Variants in ARHGEF17 observed in about 807,000 individuals in gnomAD.
ARHGEF17 encodes the protein 164 kDa Rho-specific guanine-nucleotide exchange factor.
In ARHGEF17, 80 loss-of-function variants were observed where a neutral mutation model predicts 174.0. That is an observed-to-expected ratio of 0.46 (90% CI 0.38 to 0.55). ARHGEF17 has a LOEUF of 0.55. Among genes scored for constraint, ARHGEF17 ranks in the 20% least tolerant of loss-of-function variants. The probability of loss-of-function intolerance (pLI) is 0.00; values close to 1 mark genes in which losing one functional copy is unlikely to be tolerated. For missense variants in ARHGEF17, 2,886 were observed against 2,839.7 expected (o/e 1.02, Z -0.37); for synonymous variants, 1,311 against 1,189.1 (o/e 1.10, Z -2.11).
Position 73,361,822 on chromosome 11 carries a change from C to G in ARHGEF17, c.4495-218C>G, listed in dbSNP as rs546522865. 2.0e-5 allele frequency among the ~76,000 whole-genome samples: 3 copies of G among 151,872 alleles called. No individual in the cohort carries two copies. The South Asian group carries it at 6.3e-4, about 32-fold the overall frequency. On this transcript the variant is annotated intron_variant, in intron 12 of 20. Coordinates refer to ENST00000263674, the MANE Select transcript of ARHGEF17 (RefSeq NM_014786.4). ...TGAGCCATGAACCCACCACTGCACCCCAGCCTGGGAGACAAAGCAAGAACC... is the reference window on the plus strand; with the variant it reads ...TGAGCCATGAACCCACCACTGCACCGCAGCCTGGGAGACAAAGCAAGAACC...
intron 1 of ARHGEF17, among the ~76,000 whole-genome samples, chr11:73,327,964 G>T (rs575764020): frequency 6.6e-6 from 1 of 152,296 alleles, no homozygotes; most frequent in Admixed American, 6.5e-5. Context: ...CTCAGTTTAT[G>T]TACCTGTAAA....
At chr11:73,316,094 C>T (rs564852575) in intron 1 of ARHGEF17, among the ~76,000 whole-genome samples, 4 of 152,222 alleles carry the variant, frequency 2.6e-5, no homozygotes, top group South Asian at 2.1e-4. Flanking sequence ...GGAAACTGGC[C>T]GAGGGACTTC....
rs779817536 is a variant in ARHGEF17, at chr11:73,356,230, C to T, written c.3719C>T (p.Ala1240Val). 3.0e-5 allele frequency: 48 copies of T among 1,613,810 alleles called. No homozygotes were observed. The highest frequency in any genetic ancestry group is 3.9e-5 in the Non-Finnish European group (46 of 1,180,034). The part of the protein sequence containing the change: ...DHPDHPLLLE[A>V]QRNIKQVAER... ...CCGGACCATCCACTCCTGCTGGAGG[C>T]GCAGCGGAACATCAAGCAGGTGGCT... The change falls in exon 6 of 21, where the codon GCG (alanine) becomes GTG (valine). Residue 1240 changes from alanine to valine, a missense_variant. Transcript: ENST00000263674.
chr11:73,362,067 A>G lies in ARHGEF17; in HGVS notation c.4522A>G (p.Ser1508Gly). The G allele has an allele frequency of 6.2e-7, 1 of 1,612,774 alleles. No individual in the cohort carries two copies. The highest frequency in any genetic ancestry group is 8.5e-7 in the Non-Finnish European group (1 of 1,179,872). ...QFSCAAPTLN[S>G]CPEPSPEVWV... ...CTCCTGTGCGGCTCCCACCCTGAACAGCTGCCCGGAGCCCTCGCCTGAGGT... is the reference window on the plus strand; with the variant it reads ...CTCCTGTGCGGCTCCCACCCTGAACGGCTGCCCGGAGCCCTCGCCTGAGGT... Residue 1508 changes from serine (S) to glycine (G), a missense_variant, in exon 13 of 21, where the codon AGC becomes GGC. Physicochemically the swap from Ser to Gly is moderately conservative, Grantham distance 56 (BLOSUM62 0). Coordinates refer to ENST00000263674, the MANE Select transcript of ARHGEF17 (RefSeq NM_014786.4).
intron 20 of ARHGEF17, 127 bp from the exon 21 acceptor site, chr11:73,367,457 G>A: frequency 2.7e-6 from 2 of 733,990 alleles, no homozygotes; most frequent in Admixed American, 5.6e-5. Flanking sequence ...AACAGAAAGT[G>A]GGATTCCCCC....
At chr11:73,348,095 A>G (rs1389633060) in intron 2 of ARHGEF17, among the ~76,000 whole-genome samples, 2 of 152,152 alleles carry the variant, frequency 1.3e-5, no homozygotes, top group African/African-American at 4.8e-5. Context: ...ACCTGAGCTG[A>G]AGTGGGGCCT....
chr11:73,309,267 C>G lies in ARHGEF17; in HGVS notation c.629C>G (p.Pro210Arg). The change falls in exon 1 of 21, where the codon CCA (proline) becomes CGA (arginine). Residue 210 changes from proline to arginine, a missense_variant. Around this residue, in one of 4 missense-constraint regions of ARHGEF17, gnomAD observed 1,728 missense variants for 1,461.2 expected, o/e 1.18. Coordinates refer to ENST00000263674, the MANE Select transcript of ARHGEF17 (RefSeq NM_014786.4). Reference sequence around the variant, plus strand: ...CAGCAACAGGAGCGGGCGCAGCGTCCAGCGGATGGTTTACATTCTTGGCAT... The same window carrying G: ...CAGCAACAGGAGCGGGCGCAGCGTCGAGCGGATGGTTTACATTCTTGGCAT... ...PQQQQERAQR[P>R]ADGLHSWHIF... is the part of the protein sequence containing the mutation. 2 of 1,610,480 alleles carry G rather than the reference C, an allele frequency of 1.2e-6. No individual in the cohort carries two copies. Among genetic ancestry groups the G allele is most frequent in the Non-Finnish European group, 1.7e-6 (2 of 1,178,818 alleles).
rs768987574 is a variant in ARHGEF17, at chr11:73,362,640, C to T, written c.4902C>T (p.Pro1634=). 3.1e-6 allele frequency: 5 copies of T among 1,611,718 alleles called. No homozygotes were observed. The East Asian group carries it at 6.7e-5, about 22-fold the overall frequency. ...GEGDPRPELV[P]FDSDSDDESS... Reference sequence around the variant, plus strand: ...GTGACCCCCGCCCAGAGCTGGTGCCCTTTGACAGTGACTCTGACGATGAGT... The same window carrying T: ...GTGACCCCCGCCCAGAGCTGGTGCCTTTTGACAGTGACTCTGACGATGAGT... The change falls in exon 14 of 21, where the codon CCC becomes CCT. Residue 1634 remains proline, a synonymous_variant. Coordinates refer to ENST00000263674, the MANE Select transcript of ARHGEF17 (RefSeq NM_014786.4).
Position 73,357,564 on chromosome 11 carries a change from A to G in ARHGEF17, c.4087+237A>G, listed in dbSNP as rs1035556878. Among the ~76,000 whole-genome samples the G allele has an allele frequency of 3.3e-5, 5 of 152,186 alleles. 1 individual carries two copies. The highest frequency in any genetic ancestry group is 7.2e-5 in the African/African-American group (3 of 41,462). On this transcript the variant is annotated intron_variant, in intron 9 of 20. Coordinates refer to ENST00000263674, the MANE Select transcript of ARHGEF17 (RefSeq NM_014786.4). ...GGCAGGGACCTAGGCTGGCAGCGGGAGCTGGGTGGGGGTGGTGCACACAGA... is the reference window on the plus strand; with the variant it reads ...GGCAGGGACCTAGGCTGGCAGCGGGGGCTGGGTGGGGGTGGTGCACACAGA...
At chr11:73,318,567 C>A (rs932366359) in intron 1 of ARHGEF17, among the ~76,000 whole-genome samples, 1 of 152,210 alleles carries the variant, frequency 6.6e-6, no homozygotes, top group Non-Finnish European at 1.5e-5. Flanking sequence ...GAGGTTGAGG[C>A]TGCAGTGAGC....
chr11:73,323,412 C>T (rs887310021), intron 1 of ARHGEF17, among the ~76,000 whole-genome samples: 7 of 152,200 alleles, frequency 4.6e-5, no homozygotes, highest in Non-Finnish European at 1.0e-4. Context: ...GCCAGCAGCC[C>T]TCGTGGTGGG....
chr11:73,323,088 GCCT>G (rs905299435), intron 1 of ARHGEF17, among the ~76,000 whole-genome samples: 44 of 152,250 alleles, frequency 2.9e-4, no homozygotes, highest in African/African-American at 9.6e-4. Context: ...TGCCCAGCAA[GCCT>G]CCTGTCTGAC....
intron 6 of ARHGEF17, 163 bp downstream of exon 6, chr11:73,356,514 C>A: frequency 8.9e-7 from 1 of 1,128,048 alleles, no homozygotes; most frequent in Non-Finnish European, 1.3e-6. Flanking sequence ...CCACACGTCT[C>A]CACCTGTCTG....
Position 73,364,386 on chromosome 11 carries a change from T to G in ARHGEF17, c.5402-66T>G, listed in dbSNP as rs1303219243. On this transcript the variant is annotated intron_variant, in intron 17 of 20. Transcript: ENST00000263674. The stretch of plus-strand genomic sequence containing the variant: ...AAAAGGGGAATGTTAACATCTCATT[T>G]CAGGGGAGACCGAGGCTCAAATTTA... 1.3e-5 allele frequency: 21 copies of G among 1,610,916 alleles called. No individual in the cohort carries two copies. In the East Asian group the frequency reaches 4.5e-4, roughly 34 times the overall value.
intron 1 of ARHGEF17, among the ~76,000 whole-genome samples, chr11:73,336,107 A>C (rs1865282692): frequency 6.6e-6 from 1 of 152,140 alleles, no homozygotes; most frequent in African/African-American, 2.4e-5. Context: ...ACTTCTTGTT[A>C]ATGTGCTCTG....
chr11:73,322,197 G>A (rs1865027628), intron 1 of ARHGEF17, among the ~76,000 whole-genome samples: 1 of 152,238 alleles, frequency 6.6e-6, no homozygotes, highest in South Asian at 2.1e-4. Context: ...TTAGCTGCCT[G>A]AATCACTGAG....
intron 14 of ARHGEF17, 101 bp from the exon 15 acceptor site, chr11:73,363,105 C>T: frequency 7.0e-7 from 1 of 1,431,384 alleles, no homozygotes; most frequent in South Asian, 1.5e-5. Flanking sequence ...TTTGAGAGGC[C>T]TTCCGGAGGG....
Position 73,364,595 on chromosome 11 carries a change from C to T in ARHGEF17, c.5545C>T (p.Leu1849=). The change falls in exon 18 of 21, where the codon CTG becomes TTG. Residue 1849 remains leucine, a synonymous_variant. Transcript: ENST00000263674. ...TGTCCTGAGCCCTGACACGCTGCAG[C>T]TGGAGGTAGCAGGGGGTGGGGGAAT... ...VLVLSPDTLQ[L]EHMFYVGQDS... 1 of 1,607,420 alleles carries T rather than the reference C, an allele frequency of 6.2e-7. No homozygotes were observed. The highest frequency in any genetic ancestry group is 8.5e-7 in the Non-Finnish European group (1 of 1,177,430).
intron 1 of ARHGEF17, among the ~76,000 whole-genome samples, chr11:73,315,393 A>C (rs1018914779): frequency 1.6e-4 from 24 of 152,152 alleles, no homozygotes; most frequent in Non-Finnish European, 1.2e-4. Flanking sequence ...GTTCCTCTCC[A>C]CTCAGACCCC....
Sources: allele counts gnomAD v4.1 joint callset (sites outside exome capture counted in the v4.1 genomes callset), GRCh38; gene constraint gnomAD v4.1.1; regional missense constraint gnomAD v4.1.1; transcripts MANE v1.5; gene names NCBI Gene and HGNC (gene_info 2026-07-23, HGNC 2026-07-21).